FGFR3: variants seen among roughly 807,000 people sequenced by gnomAD.
FGFR3 encodes the protein fibroblast growth factor receptor 3.
FGFR3 carries 25 observed loss-of-function variants against 82.9 expected under a neutral mutation model. The ratio of observed to expected loss-of-function variants is 0.30; its 90% CI spans 0.22 to 0.42. The LOEUF (loss-of-function observed/expected upper bound fraction) is 0.42, where lower values mean the gene tolerates loss of function less well. Ranked by LOEUF, FGFR3 falls within the 10% of genes least tolerant of loss-of-function variation. The pLI is 1.00. For synonymous variants in FGFR3, 620 were observed against 516.0 expected, an observed-to-expected ratio of 1.20 and a Z score of -2.73; for missense variants, 1,026 against 1,161.0, an observed-to-expected ratio of 0.88 and a Z score of 1.69.
In FGFR3 at chr4:1,808,250, A is replaced by ATGTACGTCCAGCCTGCCCCGG. The variant is rs1338475968; in HGVS notation, c.*989_*1009dup. On this transcript the variant is annotated 3_prime_UTR_variant, in exon 18 of 18. Transcript: ENST00000440486. ...CCCGCCGATAGAGGGACGGCCAAGA[A>ATGTACGTCCAGCCTGCCCCGG]TGTACGTCCAGCCTGCCCCGGAGCT... 1 of 232,564 alleles carries ATGTACGTCCAGCCTGCCCCGG rather than the reference A, an allele frequency of 4.3e-6. No individual in the cohort carries two copies. Among genetic ancestry groups the ATGTACGTCCAGCCTGCCCCGG allele is most frequent in the African/African-American group, 2.2e-5 (1 of 45,254 alleles). 14.4% of individuals were successfully genotyped at this position (232,564 alleles called of 1,614,324 possible). A position where few individuals can be genotyped will look rare whatever the true frequency, so the allele number is the denominator to read the frequency against.
intron 7 of FGFR3, among the ~76,000 whole-genome samples, chr4:1,803,343 C>T (rs761127771): frequency 5.3e-5 from 8 of 151,998 alleles, no homozygotes; most frequent in African/African-American, 1.4e-4. Context: ...CACCCCTTTG[C>T]GCCTCTCTCC....
In FGFR3 at chr4:1,806,645, C is replaced by A; in HGVS notation, c.2130C>A (p.Gly710=). ...AGCTCTTCAAGCTGCTGAAGGAGGG[C>A]CACCGCATGGACAAGCCCGCCAACT... ...VEELFKLLKE[G]HRMDKPANCT... The change falls in exon 16 of 18, where the codon GGC becomes GGA. Residue 710 remains glycine (G), a synonymous_variant. Transcript: ENST00000440486. The A allele has an allele frequency of 1.2e-6, 2 of 1,613,044 alleles. No individual in the cohort carries two copies. Among genetic ancestry groups the A allele is most frequent in the Non-Finnish European group, 1.7e-6 (2 of 1,179,938 alleles).
In FGFR3 at chr4:1,804,977, G is replaced by A. The variant is rs1228821620; in HGVS notation, c.1412+8G>A. ...GGAGCTGTCTCGGGCCCGGTCAGTG[G>A]TGCTGAGGGCCAGCGTTGGCTGTAG... On this transcript the variant is annotated splice_region_variant and intron_variant, in intron 10 of 17. Coordinates refer to ENST00000440486, the MANE Select transcript of FGFR3 (RefSeq NM_000142.5). 6.5e-7 allele frequency: 1 copy of A among 1,545,632 alleles called. No homozygotes were observed. Among genetic ancestry groups the A allele is most frequent in the Admixed American group, 2.0e-5 (1 of 51,094 alleles).
Position 1,804,816 on chromosome 4 carries a change from C to T in FGFR3, c.1267-8C>T, listed in dbSNP as rs1553847171. 2 of 1,549,534 alleles carry T rather than the reference C, an allele frequency of 1.3e-6. No homozygotes were observed. Among genetic ancestry groups the T allele is most frequent in the Non-Finnish European group, 1.7e-6 (2 of 1,146,930 alleles). ...GCGGCGCCAACCTGCCCCTGCTGAC[C>T]CAAGCAGGTGTCCCTGGAGTCCAAC... is the stretch of plus-strand genomic sequence containing the variant. On this transcript the variant is annotated splice_region_variant and splice_polypyrimidine_tract_variant and intron_variant, in intron 9 of 17. Transcript: ENST00000440486.
Position 1,799,348 on chromosome 4 carries a change from C to T in FGFR3, c.204C>T (p.Pro68=), listed in dbSNP as rs1348354751. The change falls in exon 3 of 18, where the codon CCC becomes CCT. Residue 68 remains proline, a synonymous_variant. Transcript: ENST00000440486. Reference sequence around the variant, plus strand: ...GCTGTCCCCCGCCCGGGGGTGGTCCCATGGGGCCCACTGTCTGGGTCAAGG... The same window carrying T: ...GCTGTCCCCCGCCCGGGGGTGGTCCTATGGGGCCCACTGTCTGGGTCAAGG... ...ELSCPPPGGG[P]MGPTVWVKDG... 1 of 1,612,592 alleles carries T rather than the reference C, an allele frequency of 6.2e-7. No individual in the cohort carries two copies. The highest frequency in any genetic ancestry group is 1.1e-5 in the South Asian group (1 of 91,070).
In FGFR3 at chr4:1,808,308, A is replaced by G. The variant is rs1344294557; in HGVS notation, c.*1046A>G. On this transcript the variant is annotated 3_prime_UTR_variant, in exon 18 of 18. Coordinates refer to ENST00000440486, the MANE Select transcript of FGFR3 (RefSeq NM_000142.5). ...CCCCTCCAAGCCTAAAAGGTTGTTA[A>G]TAGTTGGAGGTGATTCCAGTGAAGA... 2 of 232,724 alleles carry G rather than the reference A, an allele frequency of 8.6e-6. No homozygotes were observed. Among genetic ancestry groups the G allele is most frequent in the Non-Finnish European group, 1.7e-5 (2 of 117,628 alleles). The allele number at this position is 232,724 out of a possible 1,614,324, so 14.4% of individuals were successfully genotyped here.
Position 1,799,441 on chromosome 4 carries a change from C to T in FGFR3, c.297C>T (p.Ala99=), listed in dbSNP as rs1182046049. The T allele has an allele frequency of 1.2e-6, 2 of 1,608,980 alleles. No individual in the cohort carries two copies. The highest frequency in any genetic ancestry group is 1.3e-5 in the African/African-American group (1 of 74,838). Residue 99 remains alanine, a synonymous_variant, in exon 3 of 18, where the codon GCC becomes GCT. Coordinates refer to ENST00000440486, the MANE Select transcript of FGFR3 (RefSeq NM_000142.5). The stretch of plus-strand genomic sequence containing the variant: ...CCCAGCGGCTGCAGGTGCTGAATGC[C>T]TCCCACGAGGACTCCGGGGCCTACA... The part of the protein sequence containing the change: ...VGPQRLQVLN[A]SHEDSGAYSC...
intron 2 of FGFR3, among the ~76,000 whole-genome samples, chr4:1,798,597 C>T (rs1280129808): frequency 4.0e-5 from 6 of 151,332 alleles, no homozygotes; most frequent in South Asian, 2.1e-4. Context: ...ACCCGCGCAT[C>T]GCCCCCCAGA....
intron 2 of FGFR3, among the ~76,000 whole-genome samples, chr4:1,796,375 CAGGG>C (rs1345508459): frequency 1.3e-5 from 2 of 152,150 alleles, no homozygotes; most frequent in Admixed American, 1.3e-4. Flanking sequence ...GGTGGGGAGA[CAGGG>C]AGGCTGGACT....
At chr4:1,796,895 CTG>C (rs1720580533) in intron 2 of FGFR3, among the ~76,000 whole-genome samples, 1 of 152,144 alleles carries the variant, frequency 6.6e-6, no homozygotes, top group Non-Finnish European at 1.5e-5. Flanking sequence ...GTGGGGGAAA[CTG>C]AGGTACAGGA....
intron 2 of FGFR3, among the ~76,000 whole-genome samples, chr4:1,798,522 C>A (rs902669435): frequency 2.6e-5 from 4 of 151,720 alleles, no homozygotes; most frequent in Non-Finnish European, 4.4e-5. Flanking sequence ...CCTTGCCCAC[C>A]CCAAGGAGCC....
rs200680529 is a variant in FGFR3 at position 1,799,862 on chromosome 4, A to T, written c.445+50A>T. Reference sequence around the variant, plus strand: ...GCCAGCCGGGGTGGGGCCCGCTGCCACCGCCAAGCCCTGCCCTTCACAGGC... The same window carrying T: ...GCCAGCCGGGGTGGGGCCCGCTGCCTCCGCCAAGCCCTGCCCTTCACAGGC... On this transcript the variant is annotated intron_variant, in intron 4 of 17. Transcript: ENST00000440486. 1.1e-5 allele frequency: 18 copies of T among 1,595,466 alleles called. No individual in the cohort carries two copies. In the African/African-American group the frequency reaches 2.4e-4, roughly 21 times the overall value.
intron 2 of FGFR3, 28 bp from the exon 3 acceptor site, chr4:1,799,226 G>T (rs1720890782): frequency 6.2e-7 from 1 of 1,611,600 alleles, no homozygotes; most frequent in Non-Finnish European, 8.5e-7. Context: ...GGGGGTGCCT[G>T]CCTCATGGTT....
intron 8 of FGFR3, among the ~76,000 whole-genome samples, 165 bp downstream of exon 8, chr4:1,804,001 G>A (rs1037258633): frequency 1.3e-5 from 2 of 152,206 alleles, no homozygotes; most frequent in Non-Finnish European, 2.9e-5. Flanking sequence ...AGTTGGCCTG[G>A]CCCGGTCCTG....
intron 2 of FGFR3, among the ~76,000 whole-genome samples, chr4:1,798,191 C>A (rs1035227647): frequency 6.6e-6 from 1 of 152,040 alleles, no homozygotes; most frequent in African/African-American, 2.4e-5. Flanking sequence ...ACCCAGGGGC[C>A]ACCTGCACAT....
In FGFR3 at chr4:1,807,418, T is replaced by TCCGCGTGTGCCTGTGTGC; in HGVS notation, c.*156_*157insCCGCGTGTGCCTGTGTGC. 1.3e-6 allele frequency: 1 copy of TCCGCGTGTGCCTGTGTGC among 764,982 alleles called. No individual in the cohort carries two copies. 47.4% of individuals were successfully genotyped at this position (764,982 alleles called of 1,614,324 possible). On this transcript the variant is annotated 3_prime_UTR_variant, in exon 18 of 18. Coordinates refer to ENST00000440486, the MANE Select transcript of FGFR3 (RefSeq NM_000142.5). ...GTGTGTGCGTGTGTGTGTGTGTGTG[T>TCCGCGTGTGCCTGTGTGC]GCACATCCGCGTGTGCCTGTGTGCG...
rs373640210 is a variant in FGFR3, at chr4:1,804,461, A to G, written c.1207A>G (p.Lys403Glu). 1.2e-5 allele frequency: 20 copies of G among 1,612,798 alleles called. No homozygotes were observed. In the East Asian group the frequency reaches 2.9e-4, roughly 23 times the overall value. ...VTLCRLRSPP[K>E]KGLGSPTVHK... is the part of the protein sequence containing the mutation. Reference sequence around the variant, plus strand: ...GCTCTGCCGCCTGCGCAGCCCCCCCAAGAAAGGCCTGGGCTCCCCCACCGT... The same window carrying G: ...GCTCTGCCGCCTGCGCAGCCCCCCCGAGAAAGGCCTGGGCTCCCCCACCGT... Residue 403 changes from lysine (K) to glutamate (E), a missense_variant, in exon 9 of 18, where the codon AAG becomes GAG. By Grantham distance (56) the Lys-to-Glu change is moderately conservative. Coordinates refer to ENST00000440486, the MANE Select transcript of FGFR3 (RefSeq NM_000142.5).
intron 2 of FGFR3, among the ~76,000 whole-genome samples, chr4:1,795,285 T>C (rs1397124889): frequency 6.6e-6 from 1 of 151,954 alleles, no homozygotes; most frequent in Non-Finnish European, 1.5e-5. Context: ...CGCATTCTCA[T>C]TCAGATAAAG....
intron 16 of FGFR3, 47 bp downstream of exon 16, chr4:1,806,730 C>T (rs1440033566): frequency 5.0e-6 from 8 of 1,607,098 alleles, no homozygotes; most frequent in South Asian, 4.4e-5. Flanking sequence ...GGGTGGGGGT[C>T]CCTCCGGGGC....
Sources: gnomAD v4.1 joint callset for allele counts (sites outside exome capture counted in the v4.1 genomes callset) on GRCh38, gnomAD v4.1.1 for gene constraint, MANE v1.5 for transcripts, NCBI Gene and HGNC (gene_info 2026-07-23, HGNC 2026-07-21) for gene names.